NBPF12: variants seen among roughly 807,000 people sequenced by gnomAD.
NBPF12 encodes NBPF family member NBPF12.
A neutral mutation model predicts 146.4 loss-of-function variants in NBPF12; 115 were observed. The ratio of observed to expected loss-of-function variants is 0.79; its 90% CI spans 0.68 to 0.92. The LOEUF (loss-of-function observed/expected upper bound fraction) is 0.92, where lower values mean the gene tolerates loss of function less well. NBPF12 is among the 40% of genes least tolerant of loss of function. The pLI, the probability that NBPF12 is intolerant of heterozygous loss-of-function variation, is 0.00. For missense variants in NBPF12, 1,205 were observed against 1,326.8 expected, an observed-to-expected ratio of 0.91 and a Z score of 1.43; for synonymous variants, 385 against 508.9, an observed-to-expected ratio of 0.76 and a Z score of 3.28.
chr1:146,966,463 G>T lies in NBPF12; in HGVS notation c.779-1G>T. 7.3e-7 allele frequency: 1 copy of T among 1,369,854 alleles called. No homozygotes were observed. Among genetic ancestry groups the T allele is most frequent in the Admixed American group, 1.7e-5 (1 of 59,668 alleles). The allele number at this position is 1,369,854 out of a possible 1,614,324, so 84.9% of individuals were successfully genotyped here. On this transcript the variant is annotated splice_acceptor_variant, in intron 8 of 33. Transcript: ENST00000617844. LOFTEE classifies it high-confidence loss of function. Reference sequence around the variant, plus strand: ...CATGTGTTTGCCTTTCTTCTCCCCAGTCCCTGGCCCCACCTCTTCTGCCAC... The same window carrying T: ...CATGTGTTTGCCTTTCTTCTCCCCATTCCCTGGCCCCACCTCTTCTGCCAC...
chr1:146,965,659 G>A (rs1553885530), intron 8 of NBPF12, among the ~76,000 whole-genome samples: 1 of 149,584 alleles, frequency 6.7e-6, no homozygotes, highest in Non-Finnish European at 1.5e-5. Flanking sequence ...GGGCGCGGTG[G>A]TGGGCACCTG....
intron 19 of NBPF12, 143 bp from the exon 23 acceptor site, chr1:146,982,785 T>C: frequency 1.5e-6 from 2 of 1,324,288 alleles, no homozygotes; most frequent in East Asian, 2.4e-5. Context: ...TTTAGAAGGA[T>C]AGTTTTATTT....
chr1:146,981,427 C>T (rs1408651322), intron 19 of NBPF12, among the ~76,000 whole-genome samples: 6 of 151,208 alleles, frequency 4.0e-5, no homozygotes, highest in Non-Finnish European at 5.9e-5. Context: ...AGATCTGCTG[C>T]TAGTCTGATG....
Position 146,966,191 on chromosome 1 carries a change from A to G in NBPF12, c.779-273A>G, listed in dbSNP as rs1370130351. 5.4e-4 allele frequency among the ~76,000 whole-genome samples: 82 copies of G among 152,136 alleles called. 3 individuals are homozygous for G. Among genetic ancestry groups the G allele is most frequent in the African/African-American group, 1.9e-3 (77 of 41,382 alleles). ...TGCTACACAGAAACATTGGCCACTC[A>G]TGGGATAAAAATCTCAGGGCCAAGC... On this transcript the variant is annotated intron_variant, in intron 8 of 33. Transcript: ENST00000617844.
intron 2 of NBPF12, among the ~76,000 whole-genome samples, chr1:146,955,013 T>TATATATATATATAC (rs1411814328): frequency 1.5e-5 from 1 of 67,502 alleles, no homozygotes; most frequent in Non-Finnish European, 2.8e-5. Context: ...TATATATATA[T>TATATATATATATAC]ACACACACAC....
At chr1:146,942,089 C>A (rs1252785712) in intron 1 of NBPF12, among the ~76,000 whole-genome samples, 1 of 150,646 alleles carries the variant, frequency 6.6e-6, no homozygotes, top group African/African-American at 2.5e-5. Flanking sequence ...AACCCTTGGG[C>A]TCAAGTAGTC....
chr1:146,995,855 TA>T (rs1487422875), exon 34 of NBPF12: 1 of 150,208 alleles, frequency 6.7e-6, no homozygotes, highest in East Asian at 2.0e-4. Context: ...TTCAAGAGTA[TA>T]AATATCCTGT....
At chr1:146,980,761 C>A (rs1290106807) in intron 19 of NBPF12, among the ~76,000 whole-genome samples, 3 of 146,962 alleles carry the variant, frequency 2.0e-5, no homozygotes, top group South Asian at 2.2e-4. Context: ...ACCATTTGAC[C>A]CAGCCATCCC....
chr1:146,966,347 G>A, intron 8 of NBPF12, 117 bp from the exon 12 acceptor site: 1 of 938,006 alleles, frequency 1.1e-6, no homozygotes, highest in East Asian at 2.4e-5. Flanking sequence ...TGAAACCAGG[G>A]AAACATCATC....
At chr1:146,947,936 TCTG>T (rs1447569304), upstream of NBPF12, among the ~76,000 whole-genome samples, 1 of 152,010 alleles carries the variant, frequency 6.6e-6, no homozygotes, top group Non-Finnish European at 1.5e-5. Flanking sequence ...TTTTTTAAAA[TCTG>T]CTATTAAAAT....
intron 9 of NBPF12, 123 bp from the exon 13 acceptor site, chr1:146,968,325 G>C: frequency 1.2e-6 from 1 of 810,946 alleles, no homozygotes; most frequent in Non-Finnish European, 2.1e-6. Context: ...GGAAATCCCT[G>C]TCTAGACCCT....
At position 146,963,368 on chromosome 1, in the gene NBPF12, C is replaced by T. The variant is rs1459715568; in HGVS notation, c.493+59C>T. 3.1e-6 allele frequency: 5 copies of T among 1,587,886 alleles called. No homozygotes were observed. The Admixed American group carries it at 6.9e-5, about 22-fold the overall frequency. On this transcript the variant is annotated intron_variant, in intron 6 of 33. Transcript: ENST00000617844. ...CCCAGGCTTATGAGAGGCTCCAGAC[C>T]TCCATACTTTCATGATGACAGTTGT...
rs1215680100 is a variant in NBPF12 at position 146,969,374 on chromosome 1, C to CA, written c.1092-7dup. On this transcript the variant is annotated splice_polypyrimidine_tract_variant and splice_region_variant and intron_variant, in intron 10 of 33. Transcript: ENST00000617844. ...CACTCTTAAATTTTCTCTACCGTCT[C>CA]ACCTTAGGCAATATAAAGTCCTGGT... 6.7e-6 allele frequency: 6 copies of CA among 901,926 alleles called. No homozygotes were observed. The African/African-American group carries it at 1.0e-4, about 15-fold the overall frequency. 55.9% of individuals were successfully genotyped at this position (901,926 alleles called of 1,614,324 possible). A position where few individuals can be genotyped will look rare whatever the true frequency, so the allele number is the denominator to read the frequency against.
chr1:146,973,780 T>C (rs1306376945), intron 14 of NBPF12, among the ~76,000 whole-genome samples: 1 of 144,754 alleles, frequency 6.9e-6, no homozygotes, highest in African/African-American at 2.7e-5. Context: ...AGGGCAAGAC[T>C]GTTAAAAAAA....
chr1:146,961,866 A>G (rs1655872336), intron 4 of NBPF12, among the ~76,000 whole-genome samples: 1 of 152,060 alleles, frequency 6.6e-6, no homozygotes, highest in African/African-American at 2.4e-5. Flanking sequence ...GTGGCCCCGC[A>G]TTCAGAGTCA....
intron 14 of NBPF12, among the ~76,000 whole-genome samples, chr1:146,974,179 G>C (rs1207271702): frequency 6.7e-6 from 1 of 148,592 alleles, no homozygotes; most frequent in Non-Finnish European, 1.5e-5. Flanking sequence ...TAGCATTTGG[G>C]CATAGGATTT....
At position 146,950,393 on chromosome 1, in the gene NBPF12, A is replaced by G. The variant is rs1336534093; in HGVS notation, c.-325-955A>G. Among the ~76,000 whole-genome samples, 19 of 152,172 alleles carry G rather than the reference A, an allele frequency of 1.2e-4. No homozygotes were observed. In the South Asian group the frequency reaches 1.7e-3, roughly 13 times the overall value. ...TCCCTAATGTGAAATGATGGGACAGACATAGAATAACAACTACAGTGATTC... is the reference window on the plus strand; with the variant it reads ...TCCCTAATGTGAAATGATGGGACAGGCATAGAATAACAACTACAGTGATTC... On this transcript the variant is annotated intron_variant, in intron 1 of 33. Transcript: ENST00000617844.
intron 19 of NBPF12, 148 bp from the exon 23 acceptor site, chr1:146,982,780 A>G (rs1657477619): frequency 2.3e-6 from 3 of 1,289,778 alleles, no homozygotes; most frequent in Non-Finnish European, 3.3e-6. Context: ...CTGTATTTAG[A>G]AGGATAGTTT....
chr1:146,994,122 G>C lies in NBPF12; in HGVS notation c.4131-210G>C, dbSNP rs1385779752. On this transcript the variant is annotated intron_variant, in intron 33 of 33. Coordinates refer to ENST00000617844, the Ensembl canonical transcript of NBPF12. ...TGTCTCTGTCTCTGTCTCTGTCTCT[G>C]TCTCTGTCTCTCTCTCTCTGTCTTT... Among the ~76,000 whole-genome samples the C allele has an allele frequency of 8.4e-5, 10 of 118,350 alleles. 1 individual carries two copies. The highest frequency in any genetic ancestry group is 3.7e-4 in the African/African-American group (9 of 24,112). 77.6% of individuals were successfully genotyped at this position (118,350 alleles called of 152,430 possible).
Sources: allele counts gnomAD v4.1 joint callset (sites outside exome capture counted in the v4.1 genomes callset), GRCh38; gene constraint gnomAD v4.1.1; transcripts MANE v1.5; gene names NCBI Gene and HGNC (gene_info 2026-07-23, HGNC 2026-07-21).